The following DENND1B variants were observed in gnomAD, a reference collection of about 807,000 sequenced individuals.
The protein encoded by DENND1B is DENN domain containing 1B, also known as DENN domain-containing protein 1B.
DENND1B carries 59 observed loss-of-function variants against 90.1 expected under a neutral mutation model. The ratio of observed to expected loss-of-function variants is 0.65; its 90% CI spans 0.53 to 0.81. The LOEUF is 0.81. Among genes scored for constraint, DENND1B ranks in the 40% least tolerant of loss-of-function variants. The pLI, the probability that DENND1B is intolerant of heterozygous loss-of-function variation, is 0.00. For synonymous variants in DENND1B, 337 were observed against 324.6 expected (o/e 1.04, Z -0.41); for missense variants, 862 against 912.6 (o/e 0.94, Z 0.71).
chr1:197,641,879 G>T (rs913288910), intron 10 of DENND1B, among the ~76,000 whole-genome samples: 1 of 151,840 alleles, frequency 6.6e-6, no homozygotes, highest in African/African-American at 2.4e-5. Context: ...TATAGGAGAA[G>T]AAAACATTAA....
intron 20 of DENND1B, among the ~76,000 whole-genome samples, chr1:197,538,904 C>T (rs949582604): frequency 8.5e-5 from 13 of 152,056 alleles, no homozygotes; most frequent in African/African-American, 3.1e-4. Context: ...GCCCCCTCAT[C>T]TCTCTTGCCT....
chr1:197,623,817 A>G (rs1468284653), intron 10 of DENND1B, among the ~76,000 whole-genome samples: 1 of 151,630 alleles, frequency 6.6e-6, no homozygotes, highest in Non-Finnish European at 1.5e-5. Context: ...AGTGACATGT[A>G]TCCACCATTA....
intron 2 of DENND1B, among the ~76,000 whole-genome samples, chr1:197,764,910 G>A (rs764841531): frequency 6.6e-6 from 1 of 152,206 alleles, no homozygotes; most frequent in East Asian, 1.9e-4. Flanking sequence ...AATGCTCATT[G>A]TGAGAATTTT....
intron 2 of DENND1B, among the ~76,000 whole-genome samples, chr1:197,768,364 G>A (rs1381999885): frequency 6.6e-6 from 1 of 152,142 alleles, no homozygotes; most frequent in African/African-American, 2.4e-5. Flanking sequence ...CTTCCCAGAA[G>A]AGAAATGCTT....
At chr1:197,672,237 T>C in intron 4 of DENND1B, 81 bp from the exon 5 acceptor site, 1 of 1,447,942 alleles carries the variant, frequency 6.9e-7, no homozygotes, top group East Asian at 2.5e-5. Flanking sequence ...AGTATATTTA[T>C]ATGTGACATT....
intron 17 of DENND1B, 53 bp downstream of exon 17, chr1:197,546,680 A>G: frequency 6.9e-7 from 1 of 1,447,268 alleles, no homozygotes; most frequent in Non-Finnish European, 9.4e-7. Flanking sequence ...TTTGCTGAAC[A>G]TTTCTCCATT....
chr1:197,560,718 A>T (rs1351272251), intron 15 of DENND1B, among the ~76,000 whole-genome samples: 2 of 151,792 alleles, frequency 1.3e-5, no homozygotes, highest in African/African-American at 4.8e-5. Flanking sequence ...AAAATTTATA[A>T]ACCTCAACCT....
chr1:197,659,980 C>T (rs1188396666), intron 5 of DENND1B, among the ~76,000 whole-genome samples: 2 of 151,270 alleles, frequency 1.3e-5, no homozygotes, highest in Admixed American at 6.6e-5. Context: ...ATAGACAATA[C>T]AAACAGCTGA....
the DENND1B span, among the ~76,000 whole-genome samples, chr1:197,781,460 A>T: frequency 1.4e-4 from 21 of 152,324 alleles, no homozygotes; most frequent in Admixed American, 2.6e-4. Context: ...CTATCTTTAA[A>T]TTATTTTATC....
intron 16 of DENND1B, among the ~76,000 whole-genome samples, chr1:197,550,673 G>T (rs1215685365): frequency 1.3e-5 from 2 of 150,960 alleles, no homozygotes; most frequent in African/African-American, 2.5e-5. Context: ...GGGGTGAGGG[G>T]GGGGGGGAGG....
rs1346097737 is a variant in DENND1B at position 197,506,596 on chromosome 1, T to A, written c.*3864A>T. The A allele has an allele frequency of 6.6e-6, 1 of 151,514 alleles. No individual in the cohort carries two copies. The highest frequency in any genetic ancestry group is 1.9e-4 in the East Asian group (1 of 5,156). The allele number at this position is 151,514 out of a possible 1,614,324, so 9.4% of individuals were successfully genotyped here. ...TACAAGAGAATGAAGGTCTATTGAT[T>A]ATGAGACATTCACAGTGTTCTCCTC... On this transcript the variant is annotated 3_prime_UTR_variant, in exon 23 of 23. Transcript: ENST00000620048.
intron 10 of DENND1B, among the ~76,000 whole-genome samples, chr1:197,639,828 A>C (rs1483643947): frequency 2.6e-5 from 4 of 152,138 alleles, no homozygotes; most frequent in Non-Finnish European, 5.9e-5. Flanking sequence ...TAGCAGATAT[A>C]TTTTATATAC....
chr1:197,653,392 T>C (rs1357992719), intron 6 of DENND1B, among the ~76,000 whole-genome samples: 2 of 152,038 alleles, frequency 1.3e-5, no homozygotes, highest in African/African-American at 4.8e-5. Flanking sequence ...CCATAGAAAA[T>C]TGTGGCTCAT....
chr1:197,723,705 C>T (rs1661390627), intron 2 of DENND1B, among the ~76,000 whole-genome samples: 1 of 152,044 alleles, frequency 6.6e-6, no homozygotes, highest in South Asian at 2.1e-4. Flanking sequence ...AAGATCATAT[C>T]CTAAAGCAAT....
At chr1:197,764,836 T>TA (rs1655506993) in intron 2 of DENND1B, among the ~76,000 whole-genome samples, 1 of 152,210 alleles carries the variant, frequency 6.6e-6, no homozygotes, top group Non-Finnish European at 1.5e-5. Context: ...CCGGTGTACT[T>TA]AAAAGGAATT....
At chr1:197,601,832 TG>T (rs1676239348) in intron 13 of DENND1B, among the ~76,000 whole-genome samples, 1 of 151,778 alleles carries the variant, frequency 6.6e-6, no homozygotes, top group Admixed American at 6.6e-5. Context: ...TTTCGGGTTT[TG>T]CTTTTGTTTT....
At chr1:197,542,191 G>A (rs907470050) in intron 18 of DENND1B, among the ~76,000 whole-genome samples, 16 of 152,170 alleles carry the variant, frequency 1.1e-4, no homozygotes, top group Non-Finnish European at 2.1e-4. Flanking sequence ...TCTGAAAACC[G>A]TTTAGCCAAA....
At chr1:197,613,300 C>G (rs536679597) in intron 11 of DENND1B, among the ~76,000 whole-genome samples, 1 of 150,830 alleles carries the variant, frequency 6.6e-6, no homozygotes, top group South Asian at 2.1e-4. Flanking sequence ...CCAGAATTTA[C>G]AAAATAAGTG....
intron 14 of DENND1B, among the ~76,000 whole-genome samples, chr1:197,586,688 A>G (rs1396982190): frequency 1.3e-5 from 2 of 152,218 alleles, no homozygotes; most frequent in African/African-American, 4.8e-5. Context: ...AGCCTGAGAC[A>G]GGGGTTCTTG....
Sources: gnomAD v4.1 joint callset for allele counts (sites outside exome capture counted in the v4.1 genomes callset) on GRCh38, gnomAD v4.1.1 for gene constraint, MANE v1.5 for transcripts, NCBI Gene and HGNC (gene_info 2026-07-23, HGNC 2026-07-21) for gene names.